Variants in KCNC2 observed in about 807,000 individuals in gnomAD.
KCNC2 encodes voltage-gated potassium channel KCNC2.
A neutral mutation model predicts 44.5 loss-of-function variants in KCNC2; 21 were observed. That is an observed-to-expected ratio of 0.47 (90% CI 0.33 to 0.68). The LOEUF (loss-of-function observed/expected upper bound fraction) is 0.68, where lower values mean the gene tolerates loss of function less well. KCNC2 is among the 30% of genes least tolerant of loss of function. The pLI is 0.01. For synonymous variants in KCNC2, 391 were observed against 339.1 expected (o/e 1.15, Z -1.68); for missense variants, 589 against 826.2 (o/e 0.71, Z 3.52).
In KCNC2 at chr12:75,207,958, C is replaced by T. The variant is rs2031845294; in HGVS notation, c.26G>A (p.Arg9Lys). Reference protein sequence around the residue: MGKIENNERVILNVGGTRH... With the variant: MGKIENNEKVILNVGGTRH... The stretch of plus-strand genomic sequence containing the variant: ...GGTGCCCCCGACATTGAGGATCACC[C>T]TCTCGTTGTTCTCGATCTTGCCCAT... The change falls in exon 2 of 5, where the codon AGG becomes AAG. Residue 9 changes from arginine to lysine, a missense_variant. Arg to Lys is a conservative substitution (Grantham distance 26, BLOSUM62 2). Coordinates refer to ENST00000549446, the MANE Select transcript of KCNC2 (RefSeq NM_139137.4). The surrounding 1 kb of genome is among the most constrained non-coding windows in gnomAD (Gnocchi z 4.1). 6.2e-7 allele frequency: 1 copy of T among 1,612,564 alleles called. No individual in the cohort carries two copies. The highest frequency in any genetic ancestry group is 1.1e-5 in the South Asian group (1 of 91,002).
chr12:75,084,297 TA>T (rs764641768), intron 2 of KCNC2, among the ~76,000 whole-genome samples: 2,571 of 148,042 alleles, frequency 0.017, 34 homozygotes, highest in Middle Eastern at 0.052. Flanking sequence ...AGATGATAGA[TA>T]GATAGATAGA....
At chr12:75,145,099 T>G (rs1331304471) in intron 2 of KCNC2, among the ~76,000 whole-genome samples, 6 of 152,212 alleles carry the variant, frequency 3.9e-5, no homozygotes, top group African/African-American at 1.4e-4. Flanking sequence ...GCAACATCTG[T>G]GTGCCAGTTA....
intron 2 of KCNC2, among the ~76,000 whole-genome samples, chr12:75,122,545 T>A (rs749774439): frequency 2.6e-4 from 40 of 152,160 alleles, no homozygotes; most frequent in Admixed American, 3.9e-4. Flanking sequence ...ACATTTAAGA[T>A]AAGGAAAGTA....
intron 2 of KCNC2, among the ~76,000 whole-genome samples, chr12:75,054,234 A>G (rs1297139437): frequency 1.3e-5 from 2 of 151,946 alleles, no homozygotes; most frequent in Non-Finnish European, 1.5e-5. Context: ...TCCAATTAAA[A>G]AAAAAAAAAA....
At chr12:75,088,755 G>A (rs903629639) in intron 2 of KCNC2, among the ~76,000 whole-genome samples, 2 of 151,856 alleles carry the variant, frequency 1.3e-5, no homozygotes, top group Admixed American at 1.3e-4. Context: ...GCAAGTTTTA[G>A]TTATTAATGT....
At chr12:75,092,247 G>C (rs1459854214) in intron 2 of KCNC2, among the ~76,000 whole-genome samples, 1 of 151,568 alleles carries the variant, frequency 6.6e-6, no homozygotes, top group East Asian at 1.9e-4. Context: ...CACGTGAAAG[G>C]CCACATAGAA....
In KCNC2 at chr12:75,084,260, A is replaced by ATAAAT. The variant is rs1565840248; in HGVS notation, c.688-32944_688-32943insATTTA. On this transcript the variant is annotated intron_variant, in intron 2 of 4. Transcript: ENST00000549446. Reference sequence around the variant, plus strand: ...ATAGATAGATAGATGATGATGATAGATAGATAGATTAGATAGATAGATAGA... The same window carrying ATAAAT: ...ATAGATAGATAGATGATGATGATAGATAAATTAGATAGATTAGATAGATAGATAGA... 2.3e-4 allele frequency among the ~76,000 whole-genome samples: 23 copies of ATAAAT among 100,840 alleles called. No homozygotes were observed. The Admixed American group carries it at 2.8e-3, about 12-fold the overall frequency. 66.2% of individuals were successfully genotyped at this position (100,840 alleles called of 152,430 possible). A position where few individuals can be genotyped will look rare whatever the true frequency, so the allele number is the denominator to read the frequency against.
At chr12:75,143,869 G>A (rs575476884) in intron 2 of KCNC2, among the ~76,000 whole-genome samples, 1 of 152,174 alleles carries the variant, frequency 6.6e-6, no homozygotes, top group Admixed American at 6.5e-5. Context: ...TTGGATGGGA[G>A]TTTTAATTAG....
At chr12:75,112,375 A>G (rs967321887) in intron 2 of KCNC2, among the ~76,000 whole-genome samples, 4 of 152,002 alleles carry the variant, frequency 2.6e-5, no homozygotes, top group Admixed American at 1.3e-4. Context: ...GACTTCTAAG[A>G]AGCAGAAGAA....
At chr12:75,177,650 A>G (rs1892285074) in intron 2 of KCNC2, among the ~76,000 whole-genome samples, 1 of 152,036 alleles carries the variant, frequency 6.6e-6, no homozygotes, top group Admixed American at 6.6e-5. Context: ...TATTACATCC[A>G]GATATAATAT....
chr12:75,143,536 A>G (rs1889804540), intron 2 of KCNC2, among the ~76,000 whole-genome samples: 2 of 152,140 alleles, frequency 1.3e-5, no homozygotes, highest in Admixed American at 1.3e-4. Context: ...TTTCTGACTT[A>G]TCTTCAGATT....
At chr12:75,090,753 C>CAAAT (rs1360772235) in intron 2 of KCNC2, among the ~76,000 whole-genome samples, 1 of 151,152 alleles carries the variant, frequency 6.6e-6, no homozygotes. Flanking sequence ...AAGCATGTAG[C>CAAAT]AAATTGTTGT....
At chr12:75,104,856 A>G (rs1886650616) in intron 2 of KCNC2, among the ~76,000 whole-genome samples, 1 of 152,198 alleles carries the variant, frequency 6.6e-6, no homozygotes, top group African/African-American at 2.4e-5. Context: ...CAGGAATATT[A>G]CCACTGGGGC....
In KCNC2 at chr12:75,188,185, G is replaced by C. The variant is rs537840006; in HGVS notation, c.687+19112C>G. On this transcript the variant is annotated intron_variant, in intron 2 of 4. Transcript: ENST00000549446. ...AGTGTGCTACTGGATGGCCAGAGGAGTTATCGATCTTTATTTGAGCACTAA... is the reference window on the plus strand; with the variant it reads ...AGTGTGCTACTGGATGGCCAGAGGACTTATCGATCTTTATTTGAGCACTAA... Among the ~76,000 whole-genome samples, 6 of 152,280 alleles carry C rather than the reference G, an allele frequency of 3.9e-5. No individual in the cohort carries two copies. The South Asian group carries it at 1.2e-3, about 32-fold the overall frequency.
chr12:75,171,935 CT>C (rs1891851124), intron 2 of KCNC2, among the ~76,000 whole-genome samples: 1 of 151,626 alleles, frequency 6.6e-6, no homozygotes, highest in Non-Finnish European at 1.5e-5. Context: ...TTTAAATTAT[CT>C]TTATCATTTG....
intron 2 of KCNC2, among the ~76,000 whole-genome samples, chr12:75,138,739 G>A (rs761246447): frequency 3.3e-5 from 5 of 152,058 alleles, no homozygotes; most frequent in Non-Finnish European, 5.9e-5. Context: ...CCAGCACTGT[G>A]GGAGGCCGAG....
Position 75,089,971 on chromosome 12 carries a change from C to T in KCNC2, c.688-38654G>A, listed in dbSNP as rs1432310233. On this transcript the variant is annotated intron_variant, in intron 2 of 4. Coordinates refer to ENST00000549446, the MANE Select transcript of KCNC2 (RefSeq NM_139137.4). The stretch of plus-strand genomic sequence containing the variant: ...AACTATGCTTTAGTGGAAGCTATTT[C>T]CAGCTTTGATTTGCTCTATGTACAG... 2.0e-5 allele frequency among the ~76,000 whole-genome samples: 3 copies of T among 151,778 alleles called. No homozygotes were observed. In the East Asian group the frequency reaches 5.8e-4, roughly 29 times the overall value.
At chr12:75,123,058 A>C (rs1037550321) in intron 2 of KCNC2, among the ~76,000 whole-genome samples, 1 of 152,134 alleles carries the variant, frequency 6.6e-6, no homozygotes, top group Non-Finnish European at 1.5e-5. Context: ...AAGTAAGTAC[A>C]AATTTTATTT....
intron 2 of KCNC2, among the ~76,000 whole-genome samples, chr12:75,175,625 C>T (rs1436092053): frequency 6.6e-6 from 1 of 151,954 alleles, no homozygotes; most frequent in African/African-American, 2.4e-5. Flanking sequence ...TCTTTTTTCC[C>T]CTCTGGCATA....
Sources: gnomAD v4.1 joint callset for allele counts (sites outside exome capture counted in the v4.1 genomes callset) on GRCh38, gnomAD v4.1.1 for gene constraint, Gnocchi (gnomAD v3.1) non-coding constraint, MANE v1.5 for transcripts, NCBI Gene and HGNC (gene_info 2026-07-23, HGNC 2026-07-21) for gene names.